Variants in FANK1 observed in about 807,000 individuals in gnomAD.
FANK1 encodes fibronectin type III and ankyrin repeat domains 1, also known as fibronectin type 3 and ankyrin repeat domains protein 1.
Under a neutral mutation model 45.3 loss-of-function variants are expected in FANK1, and 44 were observed. The ratio of observed to expected loss-of-function variants is 0.97; its 90% CI spans 0.76 to 1.25. FANK1 has a LOEUF of 1.25. Ranked by LOEUF, FANK1 falls within the 50% of genes most tolerant of loss-of-function variation. The pLI, the probability that FANK1 is intolerant of heterozygous loss-of-function variation, is 0.00. For missense variants in FANK1, 391 were observed against 424.4 expected (o/e 0.92, Z 0.69); for synonymous variants, 149 against 152.5 (o/e 0.98, Z 0.17).
intron 1 of FANK1, among the ~76,000 whole-genome samples, chr10:125,935,154 C>G (rs543648116): frequency 1.3e-5 from 2 of 152,204 alleles, no homozygotes; most frequent in Admixed American, 6.5e-5. Context: ...CATTCCTTCA[C>G]GGAAAGTCAG....
At chr10:126,001,753 C>T (rs1952774915) in intron 6 of FANK1, among the ~76,000 whole-genome samples, 1 of 152,122 alleles carries the variant, frequency 6.6e-6, no homozygotes, top group South Asian at 2.1e-4. Flanking sequence ...GTGGTAAGTT[C>T]AGGGCTGTGC....
At chr10:125,917,043 C>A (rs74405132) in intron 1 of FANK1, among the ~76,000 whole-genome samples, 9 of 133,556 alleles carry the variant, frequency 6.7e-5, no homozygotes, top group Admixed American at 6.0e-4. Flanking sequence ...CTCCACTTTT[C>A]ATCAAACTGT....
At chr10:125,949,973 C>T (rs1362314796) in intron 1 of FANK1, among the ~76,000 whole-genome samples, 2 of 118,562 alleles carry the variant, frequency 1.7e-5, no homozygotes, top group Non-Finnish European at 3.7e-5. Flanking sequence ...ATATCTACAA[C>T]TATCTGATCT....
At chr10:125,964,348 G>A (rs544153982) in intron 1 of FANK1, among the ~76,000 whole-genome samples, 16 of 151,574 alleles carry the variant, frequency 1.1e-4, no homozygotes, top group South Asian at 6.3e-4. Flanking sequence ...GTGCGCCACC[G>A]TGCCCAGCTA....
At chr10:125,909,643 C>T (rs1267909456) in intron 1 of FANK1, among the ~76,000 whole-genome samples, 1 of 150,520 alleles carries the variant, frequency 6.6e-6, no homozygotes, top group Admixed American at 6.6e-5. Flanking sequence ...CTCAGCCTTC[C>T]AAGTAGCTGG....
In FANK1 at chr10:125,919,594, AGCCAGCCCTGAG is replaced by A. The variant is rs571745245; in HGVS notation, c.13+22942_13+22953del. Reference sequence around the variant, plus strand: ...TGAATAAGGCAGAATACTAAAGACTAGCCAGCCCTGAGGCTCATGGTGGTTGCTGTTATTCTG... The same window carrying A: ...TGAATAAGGCAGAATACTAAAGACTAGCTCATGGTGGTTGCTGTTATTCTG... On this transcript the variant is annotated intron_variant, in intron 1 of 10. Coordinates refer to ENST00000368693, the MANE Select transcript of FANK1 (RefSeq NM_145235.5). Among the ~76,000 whole-genome samples the A allele has an allele frequency of 2.9e-4, 44 of 152,130 alleles. No homozygotes were observed. The South Asian group carries it at 8.7e-3, about 30-fold the overall frequency.
chr10:125,978,091 TGC>T (rs1227368480), intron 1 of FANK1, among the ~76,000 whole-genome samples: 2 of 152,062 alleles, frequency 1.3e-5, no homozygotes, highest in Non-Finnish European at 2.9e-5. Flanking sequence ...TGCTGTGGTA[TGC>T]TTGGGGCCTG....
At chr10:125,925,953 T>C (rs1191509181) in intron 1 of FANK1, among the ~76,000 whole-genome samples, 2 of 152,222 alleles carry the variant, frequency 1.3e-5, no homozygotes, top group African/African-American at 4.8e-5. Context: ...TTTTCCTTTC[T>C]TGCCTTCTTT....
At chr10:125,909,822 TATC>T (rs1210825060) in intron 1 of FANK1, among the ~76,000 whole-genome samples, 1 of 151,462 alleles carries the variant, frequency 6.6e-6, no homozygotes, top group African/African-American at 2.4e-5. Flanking sequence ...CCACCACACC[TATC>T]ATATCATTGT....
intron 2 of FANK1, among the ~76,000 whole-genome samples, chr10:125,987,463 G>A (rs1951640811): frequency 6.6e-6 from 1 of 151,980 alleles, no homozygotes; most frequent in Admixed American, 6.6e-5. Flanking sequence ...ATGGAGAATG[G>A]TCCAAGGGAG....
intron 1 of FANK1, among the ~76,000 whole-genome samples, chr10:125,936,607 T>C (rs532858853): frequency 1.5e-4 from 23 of 152,312 alleles, no homozygotes; most frequent in East Asian, 1.9e-4. Context: ...TATGTACTTA[T>C]TTGGATCTGA....
intron 1 of FANK1, among the ~76,000 whole-genome samples, chr10:125,944,176 G>GGC (rs1460276033): frequency 1.3e-5 from 2 of 152,176 alleles, no homozygotes; most frequent in African/African-American, 4.8e-5. Context: ...ACACGATAAT[G>GGC]GCATACATAA....
intron 1 of FANK1, among the ~76,000 whole-genome samples, chr10:125,928,857 G>A (rs141559602): frequency 0.016 from 2,478 of 152,216 alleles, 32 homozygotes; most frequent in South Asian, 0.032. Context: ...TTATATTATG[G>A]ACCAAAGTTA....
intron 1 of FANK1, chr10:125,973,148 C>G: frequency 6.6e-6 from 1 of 152,184 alleles, no homozygotes; most frequent in East Asian, 1.9e-4. Context: ...CAGTAAAGAA[C>G]AAGCCATAAG....
intron 1 of FANK1, among the ~76,000 whole-genome samples, chr10:125,911,433 A>T (rs1946001931): frequency 6.6e-6 from 1 of 152,252 alleles, no homozygotes; most frequent in Non-Finnish European, 1.5e-5. Flanking sequence ...TTAAGCTGCT[A>T]CATTTGTGGT....
At chr10:125,978,106 C>T (rs898830897) in intron 1 of FANK1, among the ~76,000 whole-genome samples, 1 of 152,140 alleles carries the variant, frequency 6.6e-6, no homozygotes, top group Non-Finnish European at 1.5e-5. Flanking sequence ...GGGGCCTGCT[C>T]CAGTCCCTAG....
In FANK1 at chr10:126,009,163, C is replaced by A. The variant is rs375954075; in HGVS notation, c.927+32C>A. The A allele has an allele frequency of 1.9e-6, 3 of 1,613,944 alleles. No individual in the cohort carries two copies. The African/African-American group carries it at 4.0e-5, about 22-fold the overall frequency. On this transcript the variant is annotated intron_variant, in intron 9 of 10. Coordinates refer to ENST00000368693, the MANE Select transcript of FANK1 (RefSeq NM_145235.5). ...GAGTCCATCTTTATGTAAAGATTTT[C>A]CTCGGAGGGGGAGAAAACATTTATA... is the stretch of plus-strand genomic sequence containing the variant.
intron 1 of FANK1, among the ~76,000 whole-genome samples, chr10:125,976,316 T>A (rs1950850458): frequency 6.6e-6 from 1 of 152,130 alleles, no homozygotes; most frequent in African/African-American, 2.4e-5. Context: ...GTGTAGAATC[T>A]TGCAGGAGTT....
At chr10:125,976,388 T>A (rs1199767946) in intron 1 of FANK1, among the ~76,000 whole-genome samples, 1 of 152,250 alleles carries the variant, frequency 6.6e-6, no homozygotes, top group African/African-American at 2.4e-5. Flanking sequence ...TTTTCAGGGA[T>A]GATATCTAGG....
Sources: allele counts gnomAD v4.1 joint callset (sites outside exome capture counted in the v4.1 genomes callset), GRCh38; gene constraint gnomAD v4.1.1; transcripts MANE v1.5; gene names NCBI Gene and HGNC (gene_info 2026-07-23, HGNC 2026-07-21).